Variants in TOGARAM1 observed in about 807,000 individuals in gnomAD.
TOGARAM1 encodes TOG array regulator of axonemal microtubules protein 1.
Under a neutral mutation model 166.6 loss-of-function variants are expected in TOGARAM1, and 100 were observed. That is an observed-to-expected ratio of 0.60 (90% CI 0.51 to 0.71). The LOEUF (loss-of-function observed/expected upper bound fraction) is 0.71, where lower values mean the gene tolerates loss of function less well. TOGARAM1 is among the 30% of genes least tolerant of loss of function. The pLI, the probability that TOGARAM1 is intolerant of heterozygous loss-of-function variation, is 0.00. For synonymous variants in TOGARAM1, 758 were observed against 763.8 expected (o/e 0.99, Z 0.13); for missense variants, 2,029 against 2,102.7 (o/e 0.96, Z 0.69).
chr14:45,000,803 G>C (rs1445244841), intron 3 of TOGARAM1, among the ~76,000 whole-genome samples: 1 of 152,046 alleles, frequency 6.6e-6, no homozygotes. Context: ...GGAGTGCAAT[G>C]GCTCACTGCA....
At chr14:45,055,371 A>G (rs950025293) in intron 16 of TOGARAM1, among the ~76,000 whole-genome samples, 1 of 152,064 alleles carries the variant, frequency 6.6e-6, no homozygotes, top group African/African-American at 2.4e-5. Context: ...ATGTGGCTTT[A>G]TTTCTGGGTT....
At chr14:45,043,097 G>T (rs941080871) in intron 11 of TOGARAM1, among the ~76,000 whole-genome samples, 1 of 152,104 alleles carries the variant, frequency 6.6e-6, no homozygotes, top group Admixed American at 6.6e-5. Flanking sequence ...GTAGCTACTT[G>T]TATCTATTAC....
At chr14:45,045,709 A>G (rs933684967) in intron 13 of TOGARAM1, among the ~76,000 whole-genome samples, 3 of 130,186 alleles carry the variant, frequency 2.3e-5, no homozygotes, top group African/African-American at 8.9e-5. Context: ...ATATGTGTAT[A>G]TATATACACA....
At chr14:45,024,393 T>C (rs1880703666) in intron 7 of TOGARAM1, among the ~76,000 whole-genome samples, 1 of 152,200 alleles carries the variant, frequency 6.6e-6, no homozygotes, top group African/African-American at 2.4e-5. Context: ...ATTTTCTATA[T>C]ATTTTAGAAT....
chr14:45,069,264 G>A (rs937998990), intron 18 of TOGARAM1, among the ~76,000 whole-genome samples: 1 of 152,090 alleles, frequency 6.6e-6, no homozygotes, highest in Admixed American at 6.6e-5. Context: ...AGCTACCCTG[G>A]AAGCTGAGGC....
At chr14:45,031,851 T>G (rs1260695356) in intron 10 of TOGARAM1, among the ~76,000 whole-genome samples, 1 of 152,148 alleles carries the variant, frequency 6.6e-6, no homozygotes, top group Non-Finnish European at 1.5e-5. Flanking sequence ...CAGAATAATG[T>G]TTGTACCCTT....
At chr14:45,005,229 A>G (rs1457142455) in intron 4 of TOGARAM1, among the ~76,000 whole-genome samples, 1 of 152,138 alleles carries the variant, frequency 6.6e-6, no homozygotes, top group Admixed American at 6.5e-5. Context: ...ATTTTTTATT[A>G]TTTGTTATAA....
At chr14:44,973,588 C>A (rs1381594104) in intron 1 of TOGARAM1, among the ~76,000 whole-genome samples, 24 of 144,082 alleles carry the variant, frequency 1.7e-4, no homozygotes, top group African/African-American at 3.3e-4. Flanking sequence ...TTCTCTCTCT[C>A]TCTCTCTCTA....
At chr14:44,991,083 TAA>T (rs1887103867) in intron 1 of TOGARAM1, among the ~76,000 whole-genome samples, 1 of 148,542 alleles carries the variant, frequency 6.7e-6, no homozygotes, top group Admixed American at 6.8e-5. Flanking sequence ...CTCAGCCTCC[TAA>T]GTTACTGGGA....
intron 1 of TOGARAM1, among the ~76,000 whole-genome samples, chr14:44,970,658 T>C (rs748835176): frequency 6.6e-6 from 1 of 152,192 alleles, no homozygotes; most frequent in Admixed American, 6.5e-5. Flanking sequence ...ATAAATATGA[T>C]GTTATCTGTA....
intron 9 of TOGARAM1, among the ~76,000 whole-genome samples, chr14:45,027,971 A>G (rs1347191680): frequency 1.3e-5 from 2 of 152,096 alleles, no homozygotes; most frequent in Non-Finnish European, 2.9e-5. Context: ...GGGATAAAGT[A>G]TGTAATATAC....
chr14:45,030,812 C>T (rs370039172), intron 10 of TOGARAM1, among the ~76,000 whole-genome samples: 13 of 152,160 alleles, frequency 8.5e-5, no homozygotes, highest in African/African-American at 2.9e-4. Context: ...TAATGGTGGC[C>T]GTAGATCTAA....
At chr14:44,972,316 T>G (rs2138728523) in intron 1 of TOGARAM1, among the ~76,000 whole-genome samples, 1 of 152,218 alleles carries the variant, frequency 6.6e-6, no homozygotes, top group Middle Eastern at 3.4e-3. Context: ...TTGTTAGTGT[T>G]CCATGTGAAT....
intron 7 of TOGARAM1, among the ~76,000 whole-genome samples, chr14:45,016,352 TGC>T (rs1266295386): frequency 6.6e-6 from 1 of 152,172 alleles, no homozygotes; most frequent in Non-Finnish European, 1.5e-5. Flanking sequence ...TCTGGGATCA[TGC>T]CACTGCACTC....
rs538744697 is a variant in TOGARAM1 at position 44,999,616 on chromosome 14, G to T, written c.2338+119G>T. ...TCATCACAAAAAATAAAAGGATTTTGTTATATTTTTAATAACTTTTTTCAT... is the reference window on the plus strand; with the variant it reads ...TCATCACAAAAAATAAAAGGATTTTTTTATATTTTTAATAACTTTTTTCAT... On this transcript the variant is annotated intron_variant, in intron 3 of 19. Transcript: ENST00000361462. 17 of 837,974 alleles carry T rather than the reference G, an allele frequency of 2.0e-5. No individual in the cohort carries two copies. The African/African-American group carries it at 3.0e-4, about 15-fold the overall frequency. The allele number at this position is 837,974 out of a possible 1,614,324, so 51.9% of individuals were successfully genotyped here. A position where few individuals can be genotyped will look rare whatever the true frequency, so the allele number is the denominator to read the frequency against.
Position 45,055,576 on chromosome 14 carries a change from G to A in TOGARAM1, c.4559+1027G>A, listed in dbSNP as rs377502903. 1.3e-4 allele frequency among the ~76,000 whole-genome samples: 20 copies of A among 152,024 alleles called. No homozygotes were observed. In the South Asian group the frequency reaches 3.1e-3, roughly 24 times the overall value. ...TCCCAGCACTTTGGGATGCTGAGGCGGGTGGATCACGAGGTCAGGAGTTCA... is the reference window on the plus strand; with the variant it reads ...TCCCAGCACTTTGGGATGCTGAGGCAGGTGGATCACGAGGTCAGGAGTTCA... On this transcript the variant is annotated intron_variant, in intron 16 of 19. Coordinates refer to ENST00000361462, the MANE Select transcript of TOGARAM1 (RefSeq NM_001308120.2).
intron 1 of TOGARAM1, among the ~76,000 whole-genome samples, chr14:44,971,059 A>G (rs1266377630): frequency 6.6e-6 from 1 of 151,826 alleles, no homozygotes; most frequent in African/African-American, 2.4e-5. Context: ...GTATTAGGGT[A>G]GTGCTGGCCT....
rs1200414644 is a variant in TOGARAM1 at position 45,045,583 on chromosome 14, ATGTGTGTGTGTG to A, written c.4154+737_4154+748del. Among the ~76,000 whole-genome samples, 45 of 37,422 alleles carry A rather than the reference ATGTGTGTGTGTG, an allele frequency of 1.2e-3. 1 individual carries two copies. The highest frequency in any genetic ancestry group is 3.6e-3 in the African/African-American group (28 of 7,700). 24.6% of individuals were successfully genotyped at this position (37,422 alleles called of 152,430 possible). A position where few individuals can be genotyped will look rare whatever the true frequency, so the allele number is the denominator to read the frequency against. Reference sequence around the variant, plus strand: ...TATATATATATATATATATATATATATGTGTGTGTGTGTGTGTGTGTGTGTGTGTGTGTGTAT... The same window carrying A: ...TATATATATATATATATATATATATATGTGTGTGTGTGTGTGTGTGTGTAT... On this transcript the variant is annotated intron_variant, in intron 13 of 19. Coordinates refer to ENST00000361462, the MANE Select transcript of TOGARAM1 (RefSeq NM_001308120.2).
chr14:45,049,920 T>C (rs1655751763), intron 14 of TOGARAM1, among the ~76,000 whole-genome samples: 1 of 152,208 alleles, frequency 6.6e-6, no homozygotes. Context: ...TTCTAGCCCA[T>C]TTTGTCATTT....
Sources: gnomAD v4.1 joint callset for allele counts (sites outside exome capture counted in the v4.1 genomes callset) on GRCh38, gnomAD v4.1.1 for gene constraint, MANE v1.5 for transcripts, NCBI Gene and HGNC (gene_info 2026-07-23, HGNC 2026-07-21) for gene names.